Variants in GSPT1 observed in about 807,000 individuals in gnomAD.
GSPT1 encodes the protein eukaryotic peptide chain release factor GTP-binding subunit ERF3A.
A neutral mutation model predicts 72.5 loss-of-function variants in GSPT1; 20 were observed. The ratio of observed to expected loss-of-function variants is 0.28; its 90% CI spans 0.19 to 0.40. The LOEUF (loss-of-function observed/expected upper bound fraction) is 0.40, where lower values mean the gene tolerates loss of function less well. GSPT1 is among the 10% of genes least tolerant of loss of function. GSPT1 has a pLI of 1.00. For missense variants in GSPT1, 580 were observed against 811.9 expected, an observed-to-expected ratio of 0.71 and a Z score of 3.47; for synonymous variants, 334 against 293.5, an observed-to-expected ratio of 1.14 and a Z score of -1.41.
In GSPT1 at chr16:11,871,465, G is replaced by A. The variant is rs937972771; in HGVS notation, c.*1654C>T. 1.3e-5 allele frequency: 2 copies of A among 152,164 alleles called. No individual in the cohort carries two copies. Among genetic ancestry groups the A allele is most frequent in the Admixed American group, 6.6e-5 (1 of 15,266 alleles). 9.4% of individuals were successfully genotyped at this position (152,164 alleles called of 1,614,324 possible). A position where few individuals can be genotyped will look rare whatever the true frequency, so the allele number is the denominator to read the frequency against. ...CTCCTGTAATCCCAGCTACTCAAGAGGCTGAGGCAGGAAATTGCTTGAATC... is the reference window on the plus strand; with the variant it reads ...CTCCTGTAATCCCAGCTACTCAAGAAGCTGAGGCAGGAAATTGCTTGAATC... On this transcript the variant is annotated 3_prime_UTR_variant, in exon 15 of 15. Transcript: ENST00000434724.
intron 11 of GSPT1, among the ~76,000 whole-genome samples, chr16:11,879,857 T>G (rs941764957): frequency 6.6e-6 from 1 of 152,194 alleles, no homozygotes; most frequent in African/African-American, 2.4e-5. Flanking sequence ...TTACTTACTG[T>G]GGTAAAATAC....
rs922689943 is a variant in GSPT1 at position 11,887,039 on chromosome 16, G to C, written c.958-108C>G. On this transcript the variant is annotated intron_variant, in intron 7 of 14. Coordinates refer to ENST00000434724, the MANE Select transcript of GSPT1 (RefSeq NM_002094.4). ...ATCACGAGTTTTTTTTTTTTTTTTTGCAAGAAAATAGAAGCAAACGAGTTA... is the reference window on the plus strand; with the variant it reads ...ATCACGAGTTTTTTTTTTTTTTTTTCCAAGAAAATAGAAGCAAACGAGTTA... The C allele has an allele frequency of 2.6e-4, 134 of 520,016 alleles. No homozygotes were observed. In the African/African-American group the frequency reaches 4.2e-3, roughly 16 times the overall value. The allele number at this position is 520,016 out of a possible 1,614,324, so 32.2% of individuals were successfully genotyped here.
chr16:11,885,319 A>G (rs747975023), intron 9 of GSPT1, 45 bp from the exon 10 acceptor site: 1 of 908,526 alleles, frequency 1.1e-6, no homozygotes, highest in Admixed American at 1.8e-5. Flanking sequence ...CAACATAAAT[A>G]TCAAAATGTT....
intron 1 of GSPT1, among the ~76,000 whole-genome samples, chr16:11,903,238 C>T (rs954340593): frequency 6.6e-6 from 1 of 151,982 alleles, no homozygotes; most frequent in East Asian, 1.9e-4. Flanking sequence ...AAGCCAGGCA[C>T]GGTGGCTCAT....
chr16:11,886,709 A>C lies in GSPT1; in HGVS notation c.1112+68T>G, dbSNP rs552188766. On this transcript the variant is annotated intron_variant, in intron 8 of 14. Coordinates refer to ENST00000434724, the MANE Select transcript of GSPT1 (RefSeq NM_002094.4). ...ATTAAGGTTTAGAAAAACCCTAGAG[A>C]AAAAGTCGTACAATAACAAAACCAT... 8 of 1,558,826 alleles carry C rather than the reference A, an allele frequency of 5.1e-6. No homozygotes were observed. In the South Asian group the frequency reaches 9.1e-5, roughly 18 times the overall value.
intron 1 of GSPT1, among the ~76,000 whole-genome samples, chr16:11,906,839 G>A (rs1489508127): frequency 1.2e-4 from 18 of 152,066 alleles, no homozygotes; most frequent in South Asian, 6.2e-4. Flanking sequence ...AATATTTCTT[G>A]AATTTTTTTA....
chr16:11,874,746 T>C (rs1279955706), intron 14 of GSPT1, among the ~76,000 whole-genome samples: 1 of 152,190 alleles, frequency 6.6e-6, no homozygotes, highest in East Asian at 1.9e-4. Context: ...CACCAGGGCT[T>C]AGCACAGTTC....
chr16:11,902,830 G>A (rs958683742), intron 1 of GSPT1, among the ~76,000 whole-genome samples: 4 of 151,840 alleles, frequency 2.6e-5, no homozygotes, highest in African/African-American at 9.7e-5. Context: ...CATGTGATCT[G>A]CCTGCCTCAG....
At chr16:11,904,887 C>T (rs138281294) in intron 1 of GSPT1, among the ~76,000 whole-genome samples, 2 of 152,250 alleles carry the variant, frequency 1.3e-5, no homozygotes, top group African/African-American at 4.8e-5. Context: ...GAGTTTGAGA[C>T]CAGCCTGGGA....
At chr16:11,879,738 CAA>C (rs1195456490) in intron 11 of GSPT1, among the ~76,000 whole-genome samples, 4 of 84,320 alleles carry the variant, frequency 4.7e-5, no homozygotes, top group East Asian at 3.7e-4. Flanking sequence ...GACTCCGTCT[CAA>C]AAAAAAAAAA....
intron 10 of GSPT1, 109 bp from the exon 11 acceptor site, chr16:11,883,204 G>A: frequency 1.5e-6 from 1 of 686,238 alleles, no homozygotes; most frequent in Non-Finnish European, 2.6e-6. Flanking sequence ...AAAATCATTT[G>A]CTTAAGTAGA....
chr16:11,910,574 T>C (rs146811586), intron 1 of GSPT1, among the ~76,000 whole-genome samples: 3 of 152,202 alleles, frequency 2.0e-5, no homozygotes, highest in Admixed American at 2.0e-4. Context: ...CAGAAGGTTA[T>C]CAAATCTCTT....
chr16:11,881,683 C>A (rs1285713633), intron 11 of GSPT1: 1 of 29,284 alleles, frequency 3.4e-5, no homozygotes, highest in Non-Finnish European at 1.1e-4. Flanking sequence ...TAGTAAAGGT[C>A]TCGTTCTGTT....
chr16:11,874,733 C>A (rs1436624396), intron 14 of GSPT1, among the ~76,000 whole-genome samples: 1 of 152,120 alleles, frequency 6.6e-6, no homozygotes, highest in Non-Finnish European at 1.5e-5. Context: ...GAACTGTATT[C>A]ATCACCAGGG....
At position 11,915,807 on chromosome 16, in the gene GSPT1, G is replaced by A. The variant is rs766079753; in HGVS notation, c.-87C>T. 6.4e-7 allele frequency: 1 copy of A among 1,569,736 alleles called. No homozygotes were observed. Among genetic ancestry groups the A allele is most frequent in the Non-Finnish European group, 8.6e-7 (1 of 1,159,268 alleles). On this transcript the variant is annotated 5_prime_UTR_variant, in exon 1 of 15. Coordinates refer to ENST00000434724, the MANE Select transcript of GSPT1 (RefSeq NM_002094.4). ...CGGAGAGGAGTGGGCAACGCTGACTGAGGGAAGGCGGCGGGGCAGAAGGGC... is the reference window on the plus strand; with the variant it reads ...CGGAGAGGAGTGGGCAACGCTGACTAAGGGAAGGCGGCGGGGCAGAAGGGC...
intron 5 of GSPT1, among the ~76,000 whole-genome samples, chr16:11,894,550 T>C (rs2054310722): frequency 6.6e-6 from 1 of 152,206 alleles, no homozygotes; most frequent in African/African-American, 2.4e-5. Context: ...AAGTTTCCCA[T>C]AATCTAGAGT....
intron 6 of GSPT1, among the ~76,000 whole-genome samples, chr16:11,888,290 A>C (rs1197678036): frequency 6.6e-6 from 1 of 151,234 alleles, no homozygotes; most frequent in African/African-American, 2.4e-5. Context: ...ATATGATGAA[A>C]CCTCATCTCT....
At chr16:11,911,267 C>T (rs2054553190) in intron 1 of GSPT1, among the ~76,000 whole-genome samples, 1 of 152,120 alleles carries the variant, frequency 6.6e-6, no homozygotes, top group Non-Finnish European at 1.5e-5. Flanking sequence ...CTCTGGTGGC[C>T]CTGAAGAGGT....
Position 11,868,424 on chromosome 16 carries a change from T to C in GSPT1, c.*4695A>G, listed in dbSNP as rs2053943176. On this transcript the variant is annotated 3_prime_UTR_variant, in exon 15 of 15. Coordinates refer to ENST00000434724, the MANE Select transcript of GSPT1 (RefSeq NM_002094.4). ...CTGCTGTCTAGCGAAAACTAGTCAC[T>C]AAGTCCTGGCCTGAGAGATACCCAC... 6.6e-6 allele frequency: 1 copy of C among 150,390 alleles called. No homozygotes were observed. The highest frequency in any genetic ancestry group is 1.5e-5 in the Non-Finnish European group (1 of 67,772). 9.3% of individuals were successfully genotyped at this position (150,390 alleles called of 1,614,324 possible).
Sources: allele counts gnomAD v4.1 joint callset (sites outside exome capture counted in the v4.1 genomes callset), GRCh38; gene constraint gnomAD v4.1.1; transcripts MANE v1.5; gene names NCBI Gene and HGNC (gene_info 2026-07-23, HGNC 2026-07-21).